VAV3: variants seen among roughly 807,000 people sequenced by gnomAD.
The protein encoded by VAV3 is guanine nucleotide exchange factor VAV3.
Under a neutral mutation model 131.2 loss-of-function variants are expected in VAV3, and 94 were observed. The observed-to-expected ratio is 0.72, with a 90% confidence interval of 0.61 to 0.85. VAV3 has a LOEUF of 0.85. VAV3 is among the 40% of genes least tolerant of loss of function. VAV3 has a pLI of 0.00. For missense variants in VAV3, 939 were observed against 1,002.7 expected (o/e 0.94, Z 0.86); for synonymous variants, 349 against 342.0 (o/e 1.02, Z -0.22).
At chr1:107,647,632 C>T (rs760232216) in intron 19 of VAV3, among the ~76,000 whole-genome samples, 18 of 151,886 alleles carry the variant, frequency 1.2e-4, no homozygotes, top group Non-Finnish European at 2.4e-4. Flanking sequence ...TGGGTAGGAC[C>T]CTAAAACATG....
At chr1:107,901,987 T>C (rs1268865222) in intron 1 of VAV3, among the ~76,000 whole-genome samples, 2 of 150,578 alleles carry the variant, frequency 1.3e-5, no homozygotes, top group East Asian at 3.9e-4. Flanking sequence ...AGGTTGCAGT[T>C]AGCCAAGATT....
intron 1 of VAV3, among the ~76,000 whole-genome samples, chr1:107,912,487 G>C (rs1409768850): frequency 6.6e-6 from 1 of 152,182 alleles, no homozygotes; most frequent in South Asian, 2.1e-4. Flanking sequence ...AGTATTAAAG[G>C]CATGTGTTGA....
intron 20 of VAV3, among the ~76,000 whole-genome samples, chr1:107,625,321 C>T (rs12145107): frequency 0.032 from 4,873 of 151,186 alleles, 116 homozygotes; most frequent in East Asian, 0.065. Flanking sequence ...TGCAATGGCG[C>T]GATCTCTGGA....
intron 2 of VAV3, among the ~76,000 whole-genome samples, chr1:107,812,397 T>C (rs180737574): frequency 6.6e-6 from 1 of 152,154 alleles, no homozygotes; most frequent in African/African-American, 2.4e-5. Context: ...CCCGTTTTCA[T>C]TACCTAAAAA....
intron 2 of VAV3, among the ~76,000 whole-genome samples, chr1:107,855,043 G>A (rs919251422): frequency 1.3e-5 from 2 of 152,110 alleles, no homozygotes; most frequent in Non-Finnish European, 2.9e-5. Context: ...CAAAAGCATG[G>A]AAGATAGCAC....
chr1:107,872,089 C>T (rs886690247), intron 2 of VAV3, among the ~76,000 whole-genome samples: 2 of 152,102 alleles, frequency 1.3e-5, no homozygotes, highest in Non-Finnish European at 2.9e-5. Flanking sequence ...AGCAGTGAGA[C>T]CCAAAACACA....
chr1:107,594,365 G>A (rs969303795), intron 25 of VAV3, among the ~76,000 whole-genome samples: 1 of 152,118 alleles, frequency 6.6e-6, no homozygotes, highest in South Asian at 2.1e-4. Context: ...TTTAACGAAT[G>A]AATGAATAAT....
At chr1:107,622,684 A>G (rs565323336) in intron 20 of VAV3, among the ~76,000 whole-genome samples, 5 of 152,288 alleles carry the variant, frequency 3.3e-5, no homozygotes, top group African/African-American at 1.2e-4. Flanking sequence ...AAACACTCTC[A>G]ATGTATGCAC....
At chr1:107,943,519 C>T (rs1016678266) in intron 1 of VAV3, among the ~76,000 whole-genome samples, 53 of 152,118 alleles carry the variant, frequency 3.5e-4, no homozygotes, top group African/African-American at 1.3e-3. Context: ...GGCAGGCACA[C>T]ACATCACGAG....
intron 1 of VAV3, among the ~76,000 whole-genome samples, chr1:107,949,051 A>T (rs924562570): frequency 2.0e-5 from 3 of 152,184 alleles, no homozygotes; most frequent in African/African-American, 7.2e-5. Context: ...AACAGGCTTA[A>T]TGAAAAGGAA....
chr1:107,693,267 C>T (rs2494056), intron 17 of VAV3, among the ~76,000 whole-genome samples: 8,129 of 152,184 alleles, frequency 0.053, 551 homozygotes, highest in African/African-American at 0.15. Context: ...ACTGCCTGCC[C>T]TTTATATCCA....
chr1:107,780,907 T>C (rs369261657), intron 2 of VAV3, among the ~76,000 whole-genome samples: 4 of 152,208 alleles, frequency 2.6e-5, no homozygotes, highest in African/African-American at 4.8e-5. Flanking sequence ...ATGAGGCTTA[T>C]TCAGAATGAT....
chr1:107,808,815 A>G (rs1667183812), intron 2 of VAV3, among the ~76,000 whole-genome samples: 1 of 152,136 alleles, frequency 6.6e-6, no homozygotes, highest in African/African-American at 2.4e-5. Context: ...TTTTTTTCCA[A>G]CTGTTAACAA....
At chr1:107,853,366 T>G (rs1205787760) in intron 2 of VAV3, among the ~76,000 whole-genome samples, 1 of 152,186 alleles carries the variant, frequency 6.6e-6, no homozygotes, top group Non-Finnish European at 1.5e-5. Context: ...TCCATTGTAA[T>G]CCATTATTTA....
intron 1 of VAV3, among the ~76,000 whole-genome samples, chr1:107,908,218 C>T (rs1284985520): frequency 6.6e-6 from 1 of 152,158 alleles, no homozygotes; most frequent in Non-Finnish European, 1.5e-5. Context: ...AGAGAAGCAA[C>T]CATATTCTTC....
At chr1:107,952,348 T>C (rs1674580576) in intron 1 of VAV3, among the ~76,000 whole-genome samples, 1 of 151,020 alleles carries the variant, frequency 6.6e-6, no homozygotes, top group Non-Finnish European at 1.5e-5. Context: ...TCAAGAAAAA[T>C]CACTAATGGG....
intron 3 of VAV3, 90 bp downstream of exon 3, chr1:107,779,344 G>T (rs1248282736): frequency 8.3e-7 from 1 of 1,202,598 alleles, no homozygotes; most frequent in Non-Finnish European, 1.1e-6. Flanking sequence ...TAGTACCTGT[G>T]TGCAAGATGC....
Position 107,752,404 on chromosome 1 carries a change from GA to G in VAV3, c.1174-1203del, listed in dbSNP as rs530028345. Among the ~76,000 whole-genome samples the G allele has an allele frequency of 6.6e-5, 10 of 152,244 alleles. No individual in the cohort carries two copies. The South Asian group carries it at 2.1e-3, about 32-fold the overall frequency. On this transcript the variant is annotated intron_variant, in intron 12 of 26. Coordinates refer to ENST00000370056, the MANE Select transcript of VAV3 (RefSeq NM_006113.5). ...TATAAAACTTTTACAAGAAAATGGG[GA>G]AAAACTTTATGACAATAGATTCAGC...
chr1:107,853,849 A>C (rs1029159474), intron 2 of VAV3, among the ~76,000 whole-genome samples: 1 of 152,222 alleles, frequency 6.6e-6, no homozygotes, highest in African/African-American at 2.4e-5. Flanking sequence ...TAACTAAAGA[A>C]TATTCCACAG....
Sources: gnomAD v4.1 joint callset for allele counts (sites outside exome capture counted in the v4.1 genomes callset) on GRCh38, gnomAD v4.1.1 for gene constraint, MANE v1.5 for transcripts, NCBI Gene and HGNC (gene_info 2026-07-23, HGNC 2026-07-21) for gene names.